Variants in WIPI1 observed in about 807,000 individuals in gnomAD.
The protein encoded by WIPI1 is WD repeat domain, phosphoinositide interacting 1.
A neutral mutation model predicts 55.3 loss-of-function variants in WIPI1; 45 were observed. The ratio of observed to expected loss-of-function variants is 0.81; its 90% confidence interval spans 0.64 to 1.04. WIPI1 has a LOEUF of 1.04. Ranked by LOEUF, WIPI1 falls within the 50% of genes least tolerant of loss-of-function variation. The pLI, the probability that WIPI1 is intolerant of heterozygous loss-of-function variation, is 0.00. For synonymous variants in WIPI1, 195 were observed against 217.6 expected (o/e 0.90, Z 0.92); for missense variants, 445 against 559.0 (o/e 0.80, Z 2.06).
At chr17:68,446,187 T>A (rs1466970582) in intron 3 of WIPI1, among the ~76,000 whole-genome samples, 2 of 146,770 alleles carry the variant, frequency 1.4e-5, no homozygotes, top group Non-Finnish European at 3.0e-5. Context: ...CATTTCTCAA[T>A]TTTTTTTTTT....
chr17:68,426,127 T>TCAA lies in WIPI1; in HGVS notation c.1240_1241insTTG (p.His414delinsLeuAsp). 6.2e-7 allele frequency: 1 copy of TCAA among 1,612,430 alleles called. No homozygotes were observed. Among genetic ancestry groups the TCAA allele is most frequent in the Non-Finnish European group, 8.5e-7 (1 of 1,179,988 alleles). On this transcript the variant is annotated protein_altering_variant, in exon 12 of 13. Coordinates refer to ENST00000262139, the MANE Select transcript of WIPI1 (RefSeq NM_017983.7). Reference sequence around the variant, plus strand: ...ACACACTGGTCCCGTCGCAAACTCATGTTCAGGAATAACTTCTCCTCGCAG... The same window carrying TCAA: ...ACACACTGGTCCCGTCGCAAACTCATCAAGTTCAGGAATAACTTCTCCTCGCAG...
rs1309865357 is a variant in WIPI1, at chr17:68,440,320, C to T, written c.431-3841G>A. Among the ~76,000 whole-genome samples the T allele has an allele frequency of 2.0e-5, 3 of 152,210 alleles. No individual in the cohort carries two copies. The East Asian group carries it at 5.8e-4, about 29-fold the overall frequency. ...GAATGTATCTTCGTATCTTGGGAAC[C>T]ACCCAAGGCAAGCAAGAAGAGTTTT... On this transcript the variant is annotated intron_variant, in intron 4 of 12. Coordinates refer to ENST00000262139, the MANE Select transcript of WIPI1 (RefSeq NM_017983.7).
chr17:68,432,881 C>T (rs563011172), intron 8 of WIPI1, among the ~76,000 whole-genome samples: 1 of 152,322 alleles, frequency 6.6e-6, no homozygotes, highest in South Asian at 2.1e-4. Flanking sequence ...TTCCAACCCC[C>T]ATTCTGCACA....
chr17:68,452,758 A>G, intron 2 of WIPI1, 152 bp downstream of exon 2: 1 of 610,740 alleles, frequency 1.6e-6, no homozygotes, highest in South Asian at 2.3e-5. Context: ...AGTAGTGGCA[A>G]CGATTTATAT....
In WIPI1 at chr17:68,445,212, G is replaced by A. The variant is rs946149073; in HGVS notation, c.334-623C>T. Among the ~76,000 whole-genome samples, 4 of 152,178 alleles carry A rather than the reference G, an allele frequency of 2.6e-5. No homozygotes were observed. In the South Asian group the frequency reaches 8.3e-4, roughly 32 times the overall value. ...TGGGATGATAGGCCTGAGCCACCGCGTTCAACAGGACTTCTGAACACTTTC... is the reference window on the plus strand; with the variant it reads ...TGGGATGATAGGCCTGAGCCACCGCATTCAACAGGACTTCTGAACACTTTC... On this transcript the variant is annotated intron_variant, in intron 3 of 12. Coordinates refer to ENST00000262139, the MANE Select transcript of WIPI1 (RefSeq NM_017983.7).
intron 12 of WIPI1, chr17:68,422,107 A>G: frequency 2.6e-6 from 1 of 383,782 alleles, no homozygotes; most frequent in Non-Finnish European, 4.9e-6. Context: ...TCTTACTTGT[A>G]AACATGGACT....
At chr17:68,429,914 T>C in intron 9 of WIPI1, 82 bp downstream of exon 9, 1 of 1,590,778 alleles carries the variant, frequency 6.3e-7, no homozygotes, top group African/African-American at 1.4e-5. Flanking sequence ...TTTTTTCTTT[T>C]CAGGTTTGGG....
At chr17:68,426,248 G>T in intron 11 of WIPI1, 73 bp from the exon 12 acceptor site, 2 of 832,022 alleles carry the variant, frequency 2.4e-6, no homozygotes, top group Non-Finnish European at 3.7e-6. Flanking sequence ...CGGGTGGGGA[G>T]CGGGGGCTCA....
intron 10 of WIPI1, 81 bp from the exon 11 acceptor site, chr17:68,427,334 A>C (rs1016261659): frequency 2.8e-6 from 3 of 1,071,960 alleles, no homozygotes; most frequent in Non-Finnish European, 4.3e-6. Flanking sequence ...AAAAGCATGA[A>C]GAAGCCTGTG....
At chr17:68,429,176 C>T (rs2287299) in intron 9 of WIPI1, among the ~76,000 whole-genome samples, 8,821 of 151,564 alleles carry the variant, frequency 0.058, 337 homozygotes, top group East Asian at 0.17. Context: ...AGTGTAGATG[C>T]TGCGACCCTG....
chr17:68,448,276 GA>G (rs1338902299), intron 3 of WIPI1: 4 of 152,184 alleles, frequency 2.6e-5, no homozygotes, highest in African/African-American at 9.7e-5. Context: ...AAAGTTTTAA[GA>G]AAAGCAAACC....
Position 68,421,496 on chromosome 17 carries a change from G to T in WIPI1, c.*277C>A. On this transcript the variant is annotated 3_prime_UTR_variant, in exon 13 of 13. Coordinates refer to ENST00000262139, the MANE Select transcript of WIPI1 (RefSeq NM_017983.7). The stretch of plus-strand genomic sequence containing the variant: ...GAGGCCCCTTTTAATATAAAATTCC[G>T]GTTATATACCAATATGGTTAATTAG... 4.7e-6 allele frequency: 2 copies of T among 426,164 alleles called. No homozygotes were observed. Among genetic ancestry groups the T allele is most frequent in the Non-Finnish European group, 8.6e-6 (2 of 233,322 alleles). 26.4% of individuals were successfully genotyped at this position (426,164 alleles called of 1,614,324 possible). A position where few individuals can be genotyped will look rare whatever the true frequency, so the allele number is the denominator to read the frequency against.
chr17:68,440,881 G>A (rs1035039024), intron 4 of WIPI1: 1 of 152,178 alleles, frequency 6.6e-6, no homozygotes, highest in African/African-American at 2.4e-5. Flanking sequence ...AATGTCTCAG[G>A]TTACGCTTTC....
Position 68,450,791 on chromosome 17 carries a change from T to A in WIPI1, c.270A>T (p.Lys90Asn), listed in dbSNP as rs771727491. Residue 90 changes from lysine (K) to asparagine (N), a missense_variant, in exon 3 of 13, where the codon AAA becomes AAT. Lys to Asn is a moderately conservative substitution (Grantham distance 94). Coordinates refer to ENST00000262139, the MANE Select transcript of WIPI1 (RefSeq NM_017983.7). ...PRQMNVYHFK[K>N]GTEICNYSYS... ...AGCTGTAATTACAGATCTCTGTGCC[T>A]TTCTTGAAGTGATACACGTTCATCT... is the stretch of plus-strand genomic sequence containing the variant. 2 of 1,614,036 alleles carry A rather than the reference T, an allele frequency of 1.2e-6. No individual in the cohort carries two copies. Among genetic ancestry groups the A allele is most frequent in the Non-Finnish European group, 1.7e-6 (2 of 1,179,908 alleles).
chr17:68,435,068 G>A (rs1018851193), intron 6 of WIPI1, among the ~76,000 whole-genome samples: 58 of 152,228 alleles, frequency 3.8e-4, no homozygotes, highest in African/African-American at 1.3e-3. Context: ...TTAGCCAGGC[G>A]TGGCAGCATG....
At chr17:68,457,308 C>A in intron 1 of WIPI1, 34 bp downstream of exon 1, 2 of 1,538,812 alleles carry the variant, frequency 1.3e-6, no homozygotes, top group East Asian at 2.6e-5. Flanking sequence ...ACTCTGTCCC[C>A]CACCTCCCTG....
intron 8 of WIPI1, 106 bp from the exon 9 acceptor site, chr17:68,430,266 GAGAC>G: frequency 1.7e-6 from 2 of 1,170,736 alleles, no homozygotes; most frequent in Non-Finnish European, 2.4e-6. Context: ...GCAGCAGGGA[GAGAC>G]TGTGCCTTAG....
intron 3 of WIPI1, 125 bp downstream of exon 3, chr17:68,450,603 G>C: frequency 7.8e-7 from 1 of 1,280,678 alleles, no homozygotes; most frequent in Non-Finnish European, 1.1e-6. Flanking sequence ...CACGGGGCCT[G>C]AGTGTTAACA....
chr17:68,446,936 G>A (rs1350849789), intron 3 of WIPI1, among the ~76,000 whole-genome samples: 1 of 152,226 alleles, frequency 6.6e-6, no homozygotes, highest in East Asian at 1.9e-4. Flanking sequence ...GGGAGGGAAC[G>A]AGGATGCACT....
Sources: allele counts gnomAD v4.1 joint callset (sites outside exome capture counted in the v4.1 genomes callset), GRCh38; gene constraint gnomAD v4.1.1; transcripts MANE v1.5; gene names NCBI Gene and HGNC (gene_info 2026-07-23, HGNC 2026-07-21).